The following CCSER1 variants were observed in gnomAD, a reference collection of about 807,000 sequenced individuals.
CCSER1 encodes coiled-coil serine rich protein 1, also known as serine-rich coiled-coil domain-containing protein 1.
A neutral mutation model predicts 82.0 loss-of-function variants in CCSER1; 41 were observed. The ratio of observed to expected loss-of-function variants is 0.50; its 90% confidence interval spans 0.39 to 0.65. The LOEUF (loss-of-function observed/expected upper bound fraction) is 0.65. Ranked by LOEUF, CCSER1 falls within the 30% of genes least tolerant of loss-of-function variation. The pLI, the probability that CCSER1 is intolerant of heterozygous loss-of-function variation, is 0.00. For synonymous variants in CCSER1, 414 were observed against 383.9 expected, an observed-to-expected ratio of 1.08 and a Z score of -0.92; for missense variants, 1,119 against 1,064.2, an observed-to-expected ratio of 1.05 and a Z score of -0.72.
chr4:90,309,428 G>A lies in CCSER1; in HGVS notation c.1144G>A (p.Gly382Ser), dbSNP rs12647859. 0.11 allele frequency: 180,369 copies of A among 1,613,556 alleles called. 11,573 individuals are homozygous for A. Among genetic ancestry groups the A allele is most frequent in the East Asian group, 0.29 (12,937 of 44,848 alleles). Residue 382 changes from glycine (G) to serine (S), a missense_variant, in exon 2 of 11, where the codon GGT (glycine) becomes AGT (serine). Coordinates refer to ENST00000509176, the MANE Select transcript of CCSER1 (RefSeq NM_001145065.2). ...EREENIGLQN[G>S]ETMLGTNSPR... ...AGAAGAAAATATAGGGTTACAAAAT[G>A]GTGAAACAATGCTGGGGACAAACTC...
intron 10 of CCSER1, among the ~76,000 whole-genome samples, chr4:91,302,346 A>C (rs1744731503): frequency 6.6e-6 from 1 of 152,010 alleles, no homozygotes; most frequent in Admixed American, 6.6e-5. Flanking sequence ...CGTTGTTTTA[A>C]GCAGCAAATC....
rs1176362798 is a variant in CCSER1, at chr4:91,604,970, C to T, written c.*5913C>T. The T allele has an allele frequency of 2.6e-5, 4 of 151,860 alleles. No individual in the cohort carries two copies. Among genetic ancestry groups the T allele is most frequent in the African/African-American group, 9.7e-5 (4 of 41,420 alleles). 9.4% of individuals were successfully genotyped at this position (151,860 alleles called of 1,614,324 possible). ...AGACCCCATTTTTAAGGAAAAAATA[C>T]ACCCTGTATGATACATTCTTAGATA... On this transcript the variant is annotated 3_prime_UTR_variant, in exon 11 of 11. Coordinates refer to ENST00000509176, the MANE Select transcript of CCSER1 (RefSeq NM_001145065.2).
rs114803560 is a variant in CCSER1, at chr4:90,907,440, T to G, written c.2095-15930T>G. On this transcript the variant is annotated intron_variant, in intron 8 of 10. Transcript: ENST00000509176. Reference sequence around the variant, plus strand: ...TTTCCTGTAGAAGATATGTCTGTATTCATCATTTTTTGGATGATGATTCAA... The same window carrying G: ...TTTCCTGTAGAAGATATGTCTGTATGCATCATTTTTTGGATGATGATTCAA... 6.3e-3 allele frequency among the ~76,000 whole-genome samples: 960 copies of G among 152,188 alleles called. 6 individuals are homozygous for G. Among genetic ancestry groups the G allele is most frequent in the African/African-American group, 0.021 (854 of 41,558 alleles).
chr4:91,567,626 A>G lies in CCSER1; in HGVS notation c.2218-30946A>G, dbSNP rs962307364. 5.9e-5 allele frequency among the ~76,000 whole-genome samples: 9 copies of G among 152,180 alleles called. No homozygotes were observed. In the South Asian group the frequency reaches 1.0e-3, roughly 18 times the overall value. On this transcript the variant is annotated intron_variant, in intron 10 of 10. Coordinates refer to ENST00000509176, the MANE Select transcript of CCSER1 (RefSeq NM_001145065.2). ...TTGTTGAATTGAATTCTTTGCCATTATGTAATGCCCTTTGGGTTTTTTGAT... is the reference window on the plus strand; with the variant it reads ...TTGTTGAATTGAATTCTTTGCCATTGTGTAATGCCCTTTGGGTTTTTTGAT...
intron 1 of CCSER1, among the ~76,000 whole-genome samples, chr4:90,271,012 T>C (rs1307942797): frequency 1.3e-5 from 2 of 152,166 alleles, no homozygotes; most frequent in Admixed American, 1.3e-4. Context: ...AATGGAAAGA[T>C]ATTCCATGTT....
intron 9 of CCSER1, among the ~76,000 whole-genome samples, chr4:90,986,066 C>G (rs900879596): frequency 1.3e-5 from 2 of 151,654 alleles, no homozygotes; most frequent in Admixed American, 6.6e-5. Context: ...TTTAGCTGAA[C>G]ATATAAAATG....
intron 10 of CCSER1, among the ~76,000 whole-genome samples, chr4:91,555,628 C>A (rs1197558451): frequency 6.6e-6 from 1 of 150,872 alleles, no homozygotes; most frequent in Non-Finnish European, 1.5e-5. Flanking sequence ...ACAAATCTAA[C>A]AAAAGAATGA....
At chr4:90,415,491 A>G (rs766792498) in intron 4 of CCSER1, among the ~76,000 whole-genome samples, 1 of 152,214 alleles carries the variant, frequency 6.6e-6, no homozygotes, top group Non-Finnish European at 1.5e-5. Flanking sequence ...ACAGAAAGTA[A>G]TTACCATAAA....
intron 10 of CCSER1, among the ~76,000 whole-genome samples, chr4:91,335,925 A>C (rs1238067090): frequency 1.3e-5 from 2 of 152,134 alleles, no homozygotes; most frequent in Non-Finnish European, 2.9e-5. Flanking sequence ...TTACATAAAG[A>C]ATCACAAAAC....
At chr4:90,238,554 G>T (rs1029596126) in intron 1 of CCSER1, among the ~76,000 whole-genome samples, 3 of 152,094 alleles carry the variant, frequency 2.0e-5, no homozygotes, top group African/African-American at 4.8e-5. Context: ...ACCCTAAACT[G>T]TTTTCTACTG....
intron 5 of CCSER1, among the ~76,000 whole-genome samples, chr4:90,581,241 G>A (rs1029611753): frequency 6.6e-6 from 1 of 151,992 alleles, no homozygotes. Context: ...GAATGAATCA[G>A]CACTAACATC....
chr4:90,282,299 A>T (rs1391239693), intron 1 of CCSER1, among the ~76,000 whole-genome samples: 1 of 151,918 alleles, frequency 6.6e-6, no homozygotes, highest in Non-Finnish European at 1.5e-5. Flanking sequence ...ATTAATACAC[A>T]TCATATACCA....
At chr4:90,416,294 A>C (rs2153558454) in intron 4 of CCSER1, among the ~76,000 whole-genome samples, 1 of 152,196 alleles carries the variant, frequency 6.6e-6, no homozygotes, top group Admixed American at 6.6e-5. Context: ...CTTTTTGTAA[A>C]CCCTCTCAAC....
intron 7 of CCSER1, among the ~76,000 whole-genome samples, chr4:90,770,805 A>G (rs538038896): frequency 1.1e-4 from 17 of 152,330 alleles, no homozygotes; most frequent in African/African-American, 3.8e-4. Flanking sequence ...CCACATGCAA[A>G]TAACTAAAAT....
intron 10 of CCSER1, among the ~76,000 whole-genome samples, chr4:91,519,007 T>C (rs941769434): frequency 1.3e-5 from 2 of 152,154 alleles, no homozygotes; most frequent in African/African-American, 4.8e-5. Context: ...CCTAGCCTGA[T>C]GGTAGTTAGA....
chr4:90,316,799 G>C (rs1736250508), intron 3 of CCSER1, among the ~76,000 whole-genome samples: 2 of 152,052 alleles, frequency 1.3e-5, no homozygotes, highest in South Asian at 2.1e-4. Context: ...GTGTACTTCT[G>C]GGGTATTTCA....
Position 91,168,502 on chromosome 4 carries a change from G to A in CCSER1, c.2217+82508G>A, listed in dbSNP as rs544808033. On this transcript the variant is annotated intron_variant, in intron 10 of 10. Coordinates refer to ENST00000509176, the MANE Select transcript of CCSER1 (RefSeq NM_001145065.2). ...CCGCCCCGTCTGGGAAGCAGGGAGT[G>A]CTTCTGCCTGGCCGCCCCATCTGGG... Among the ~76,000 whole-genome samples the A allele has an allele frequency of 1.2e-4, 17 of 145,468 alleles. No homozygotes were observed. In the South Asian group the frequency reaches 1.3e-3, roughly 11 times the overall value.
chr4:90,253,764 T>C (rs991373592), intron 1 of CCSER1, among the ~76,000 whole-genome samples: 1 of 152,222 alleles, frequency 6.6e-6, no homozygotes, highest in African/African-American at 2.4e-5. Flanking sequence ...CTCTGGTCTT[T>C]GTTCTCCATC....
intron 6 of CCSER1, among the ~76,000 whole-genome samples, chr4:90,703,356 G>A (rs1738569032): frequency 6.6e-6 from 1 of 152,122 alleles, no homozygotes; most frequent in African/African-American, 2.4e-5. Flanking sequence ...TATAATTTCT[G>A]TTCTTTTCCA....
Sources: gnomAD v4.1 joint callset for allele counts (sites outside exome capture counted in the v4.1 genomes callset) on GRCh38, gnomAD v4.1.1 for gene constraint, MANE v1.5 for transcripts, NCBI Gene and HGNC (gene_info 2026-07-23, HGNC 2026-07-21) for gene names.